The following NME7 variants were observed in gnomAD, a reference collection of about 807,000 sequenced individuals.
NME7 encodes the protein nucleoside diphosphate kinase 7.
NME7 carries 41 observed loss-of-function variants against 49.1 expected under a neutral mutation model. The ratio of observed to expected loss-of-function variants is 0.83; its 90% CI spans 0.65 to 1.08. The LOEUF (loss-of-function observed/expected upper bound fraction) is 1.08, where lower values mean the gene tolerates loss of function less well. Ranked by LOEUF, NME7 falls within the 50% of genes least tolerant of loss-of-function variation. The probability of loss-of-function intolerance (pLI) is 0.00; values close to 1 mark genes in which losing one functional copy is unlikely to be tolerated. For missense variants in NME7, 423 were observed against 463.4 expected (o/e 0.91, Z 0.80); for synonymous variants, 139 against 150.6 (o/e 0.92, Z 0.56).
chr1:169,328,593 CA>C (rs921464493), intron 1 of NME7, among the ~76,000 whole-genome samples: 3 of 151,798 alleles, frequency 2.0e-5, no homozygotes, highest in South Asian at 2.1e-4. Flanking sequence ...TTATGATGGA[CA>C]AAAAAATGAC....
At position 169,281,197 on chromosome 1, in the gene NME7, T is replaced by C. The variant is rs551988391; in HGVS notation, c.754+6106A>G. Reference sequence around the variant, plus strand: ...ATCCCTTGTAAGTTGTATTCCTAGGTATTTTATTCTCTTAGTAGCAACTGT... The same window carrying C: ...ATCCCTTGTAAGTTGTATTCCTAGGCATTTTATTCTCTTAGTAGCAACTGT... On this transcript the variant is annotated intron_variant, in intron 7 of 11. Coordinates refer to ENST00000367811, the MANE Select transcript of NME7 (RefSeq NM_013330.5). Among the ~76,000 whole-genome samples the C allele has an allele frequency of 1.7e-4, 26 of 152,252 alleles. 1 individual carries two copies. Among genetic ancestry groups the C allele is most frequent in the Middle Eastern group, 3.4e-3 (1 of 294 alleles).
intron 11 of NME7, among the ~76,000 whole-genome samples, chr1:169,153,884 T>G (rs1429872897): frequency 6.6e-6 from 1 of 151,892 alleles, no homozygotes; most frequent in Non-Finnish European, 1.5e-5. Context: ...TTTTTTTTAT[T>G]TTTTGTAGAG....
chr1:169,355,356 A>ATATAATATATTGT (rs1653432046), intron 1 of NME7, among the ~76,000 whole-genome samples: 1 of 50,724 alleles, frequency 2.0e-5, no homozygotes, highest in Non-Finnish European at 4.4e-5. Flanking sequence ...ATATATATTA[A>ATATAATATATTGT]ATATATATTA....
intron 11 of NME7, among the ~76,000 whole-genome samples, chr1:169,157,833 G>A (rs535922405): frequency 2.0e-5 from 3 of 152,222 alleles, no homozygotes; most frequent in Admixed American, 6.5e-5. Context: ...AACCAAAGCC[G>A]ACTTCGAAGA....
intron 10 of NME7, among the ~76,000 whole-genome samples, chr1:169,204,911 T>C (rs1042715685): frequency 1.4e-4 from 21 of 152,240 alleles, no homozygotes; most frequent in South Asian, 6.2e-4. Context: ...TGTAATTCCA[T>C]TGGAAGTTTC....
intron 11 of NME7, among the ~76,000 whole-genome samples, chr1:169,135,000 T>TC (rs1222334603): frequency 9.1e-5 from 5 of 55,236 alleles, no homozygotes; most frequent in South Asian, 7.4e-4. Flanking sequence ...CATAAGGAGA[T>TC]CCCCCCGTCT....
At chr1:169,135,479 T>G (rs915851349) in intron 11 of NME7, among the ~76,000 whole-genome samples, 1 of 152,212 alleles carries the variant, frequency 6.6e-6, no homozygotes, top group African/African-American at 2.4e-5. Flanking sequence ...AGGGACCTTA[T>G]GAATACAGAG....
chr1:169,244,504 T>C (rs12066375), intron 7 of NME7, among the ~76,000 whole-genome samples: 56,840 of 151,026 alleles, frequency 0.38, 11,346 homozygotes, highest in East Asian at 0.78. Flanking sequence ...GGCATGGTGG[T>C]GGGTGCCAGT....
intron 7 of NME7, among the ~76,000 whole-genome samples, chr1:169,279,973 T>C (rs1269172914): frequency 6.6e-6 from 1 of 152,252 alleles, no homozygotes; most frequent in East Asian, 1.9e-4. Context: ...TTTGGGTATA[T>C]GCCTAGTAAT....
chr1:169,312,944 C>A (rs1651456362), intron 3 of NME7, among the ~76,000 whole-genome samples: 1 of 151,982 alleles, frequency 6.6e-6, no homozygotes, highest in Non-Finnish European at 1.5e-5. Flanking sequence ...TTCTAAACAT[C>A]AAGGCTAAAT....
At chr1:169,138,736 T>G (rs796161263) in intron 11 of NME7, among the ~76,000 whole-genome samples, 16 of 152,162 alleles carry the variant, frequency 1.1e-4, no homozygotes, top group African/African-American at 3.9e-4. Flanking sequence ...TATATAGATA[T>G]GTATATATGA....
chr1:169,206,592 C>A (rs1401783176), intron 10 of NME7, among the ~76,000 whole-genome samples: 1 of 152,074 alleles, frequency 6.6e-6, no homozygotes, highest in East Asian at 1.9e-4. Context: ...CCTCTTTTGG[C>A]AGCCTGATGG....
intron 11 of NME7, among the ~76,000 whole-genome samples, chr1:169,136,361 A>T (rs1214945241): frequency 6.6e-6 from 1 of 152,222 alleles, no homozygotes; most frequent in Non-Finnish European, 1.5e-5. Context: ...CAGAAAATGA[A>T]ACATAATAGA....
chr1:169,233,482 G>T (rs529909710), intron 9 of NME7, among the ~76,000 whole-genome samples: 8 of 152,042 alleles, frequency 5.3e-5, no homozygotes, highest in African/African-American at 1.9e-4. Flanking sequence ...GACCATGCAG[G>T]GTCATGTAAA....
intron 1 of NME7, among the ~76,000 whole-genome samples, chr1:169,341,342 A>C (rs995660169): frequency 2.7e-4 from 41 of 152,242 alleles, no homozygotes; most frequent in African/African-American, 9.4e-4. Flanking sequence ...CGCAGAAGAC[A>C]AGAGCTGAGC....
intron 3 of NME7, among the ~76,000 whole-genome samples, chr1:169,321,453 T>A (rs1047050716): frequency 6.6e-6 from 1 of 152,258 alleles, no homozygotes; most frequent in Non-Finnish European, 1.5e-5. Context: ...ATGTGCTCCA[T>A]AAATGAATGC....
At chr1:169,312,658 T>C (rs1250882262) in intron 3 of NME7, among the ~76,000 whole-genome samples, 2 of 152,210 alleles carry the variant, frequency 1.3e-5, no homozygotes, top group African/African-American at 2.4e-5. Context: ...AATGTCTTCA[T>C]ATACCATCAG....
chr1:169,201,759 C>T (rs1660557987), intron 10 of NME7, among the ~76,000 whole-genome samples: 1 of 152,078 alleles, frequency 6.6e-6, no homozygotes, highest in South Asian at 2.1e-4. Flanking sequence ...TGTAGAGATA[C>T]TAATAGCCAG....
chr1:169,212,045 ATT>A (rs1475888696), intron 10 of NME7, among the ~76,000 whole-genome samples: 1 of 152,136 alleles, frequency 6.6e-6, no homozygotes, highest in East Asian at 1.9e-4. Context: ...ATTGAGCATT[ATT>A]TAACACCAAA....
Sources: gnomAD v4.1 joint callset for allele counts (sites outside exome capture counted in the v4.1 genomes callset) on GRCh38, gnomAD v4.1.1 for gene constraint, MANE v1.5 for transcripts, NCBI Gene and HGNC (gene_info 2026-07-23, HGNC 2026-07-21) for gene names.